The following POLE variants were observed in gnomAD, a reference collection of about 807,000 sequenced individuals.
POLE encodes the protein DNA polymerase epsilon, catalytic subunit.
A neutral mutation model predicts 279.2 loss-of-function variants in POLE; 188 were observed. The observed-to-expected ratio is 0.67, with a 90% CI of 0.60 to 0.76. POLE has a LOEUF of 0.76. Ranked by LOEUF, POLE falls within the 30% of genes least tolerant of loss-of-function variation. The pLI is 0.00. For missense variants in POLE, 2,703 were observed against 3,016.7 expected, an observed-to-expected ratio of 0.90 and a Z score of 2.44; for synonymous variants, 1,214 against 1,172.5, an observed-to-expected ratio of 1.04 and a Z score of -0.72.
At chr12:132,663,920 ACT>A in intron 23 of POLE, 82 bp downstream of exon 23, 1 of 1,455,558 alleles carries the variant, frequency 6.9e-7, no homozygotes, top group Non-Finnish European at 9.6e-7. Context: ...AGGCATGCAC[ACT>A]GTGAGGTGCT....
rs201114228 is a variant in POLE, at chr12:132,625,789, C to A, written c.6532-19G>T. On this transcript the variant is annotated intron_variant, in intron 46 of 48. Coordinates refer to ENST00000320574, the MANE Select transcript of POLE (RefSeq NM_006231.4). The stretch of plus-strand genomic sequence containing the variant: ...CCCCATCCTAGGCAGAGCAAGAGTG[C>A]GAGAGGTCACCAGCCCAGCCTCCAG... The A allele has an allele frequency of 1.9e-4, 301 of 1,604,940 alleles. No homozygotes were observed. Among genetic ancestry groups the A allele is most frequent in the Non-Finnish European group, 2.1e-4 (243 of 1,178,524 alleles).
At chr12:132,625,561 C>G in intron 47 of POLE, 84 bp downstream of exon 47, 1 of 1,559,866 alleles carries the variant, frequency 6.4e-7, no homozygotes, top group Non-Finnish European at 8.7e-7. Flanking sequence ...GCCTCAGGAC[C>G]TGCACACACC....
At chr12:132,672,515 AG>A in intron 15 of POLE, 111 bp downstream of exon 15, 1 of 1,226,990 alleles carries the variant, frequency 8.2e-7, no homozygotes. Flanking sequence ...ACACCCGGTG[AG>A]GGGCCGTGGG....
chr12:132,634,935 C>T lies in POLE; in HGVS notation c.5812-557G>A, dbSNP rs574669324. ...CCTTCAATCAGGGTTTATCCCCCAA[C>T]TCCAACCAGAATCGCTCCCATCCAG... On this transcript the variant is annotated intron_variant, in intron 42 of 48. Transcript: ENST00000320574. This position sits in a 1 kb window ranked among gnomAD's most constrained non-coding sequence, Gnocchi z 4.0. 1.4e-4 allele frequency among the ~76,000 whole-genome samples: 21 copies of T among 152,336 alleles called. No homozygotes were observed. Among genetic ancestry groups the T allele is most frequent in the African/African-American group, 5.1e-4 (21 of 41,568 alleles).
Position 132,675,770 on chromosome 12 carries a change from G to A in POLE, c.1071C>T (p.Thr357=), listed in dbSNP as rs2136011368. The change falls in exon 11 of 49, where the codon ACC becomes ACT. Residue 357 remains threonine (T), a synonymous_variant. Coordinates refer to ENST00000320574, the MANE Select transcript of POLE (RefSeq NM_006231.4). This position sits in a 1 kb window ranked among gnomAD's most constrained non-coding sequence, Gnocchi z 4.3. ...AGTCCCCGTTGTAGGTGACCATGATGGTGGGTTTGGTCTCCTGGACGTGTT... is the reference window on the plus strand; with the variant it reads ...AGTCCCCGTTGTAGGTGACCATGATAGTGGGTTTGGTCTCCTGGACGTGTT... ...WFEHVQETKP[T]IMVTYNGDFF... 6.2e-7 allele frequency: 1 copy of A among 1,614,114 alleles called. No individual in the cohort carries two copies. The highest frequency in any genetic ancestry group is 8.5e-7 in the Non-Finnish European group (1 of 1,179,980).
At chr12:132,674,779 G>A (rs1239158757) in intron 12 of POLE, among the ~76,000 whole-genome samples, 1 of 152,140 alleles carries the variant, frequency 6.6e-6, no homozygotes, top group East Asian at 1.9e-4. Flanking sequence ...CAGTGGCACT[G>A]TGCAGAATAC....
intron 29 of POLE, among the ~76,000 whole-genome samples, chr12:132,656,400 G>A (rs769772251): frequency 6.6e-6 from 1 of 150,486 alleles, no homozygotes; most frequent in African/African-American, 2.5e-5. Context: ...TCGCTCTGTC[G>A]CCCAGGGGAG....
rs1007844330 is a variant in POLE at position 132,680,479 on chromosome 12, A to C, written c.285+128T>G. The C allele has an allele frequency of 6.6e-6, 5 of 755,440 alleles. No homozygotes were observed. The Admixed American group carries it at 1.1e-4, about 17-fold the overall frequency. 46.8% of individuals were successfully genotyped at this position (755,440 alleles called of 1,614,324 possible). A position where few individuals can be genotyped will look rare whatever the true frequency, so the allele number is the denominator to read the frequency against. On this transcript the variant is annotated intron_variant, in intron 3 of 48. Transcript: ENST00000320574. ...TTACGTGATGACTGATGGGGCCTCC[A>C]GGGGCCCGAGTTCTGCTGGGCTATG...
Position 132,639,279 on chromosome 12 carries a change from C to T in POLE, c.5398G>A (p.Val1800Met), listed in dbSNP as rs199777048. The change falls in exon 40 of 49, where the codon GTG becomes ATG. Residue 1800 changes from valine to methionine, a missense_variant. Around this residue, in one of 5 missense-constraint regions of POLE, gnomAD observed 1,551 missense variants for 1,686.1 expected, o/e 0.92. Transcript: ENST00000320574. The surrounding 1 kb of genome is among the most constrained non-coding windows in gnomAD (Gnocchi z 4.7). The stretch of plus-strand genomic sequence containing the variant: ...TGGGTGATCTCCTTCACCCAGCCCA[C>T]GACCATGCTCTTCAGGATCCTGAAA... ...NTFRILKSMV[V>M]GWVKEITQYH... 1.7e-5 allele frequency: 27 copies of T among 1,613,916 alleles called. No homozygotes were observed. Among genetic ancestry groups the T allele is most frequent in the Middle Eastern group, 1.6e-4 (1 of 6,078 alleles).
At chr12:132,629,815 G>A (rs2041902088) in intron 45 of POLE, among the ~76,000 whole-genome samples, 1 of 152,244 alleles carries the variant, frequency 6.6e-6, no homozygotes, top group South Asian at 2.1e-4. Context: ...GCTAACTGGT[G>A]TGAGAGGCCT....
In POLE at chr12:132,675,622, C is replaced by G; in HGVS notation, c.1107-105G>C. 6.3e-7 allele frequency: 1 copy of G among 1,582,718 alleles called. No homozygotes were observed. Among genetic ancestry groups the G allele is most frequent in the Admixed American group, 1.7e-5 (1 of 59,244 alleles). On this transcript the variant is annotated intron_variant, in intron 11 of 48. Transcript: ENST00000320574. The surrounding 1 kb of genome is among the most constrained non-coding windows in gnomAD (Gnocchi z 4.3). ...GGGAGGAACCCAGACACGGGAGGTGCAGAGTGAACCCAGGAGCCACCTCCT... is the reference window on the plus strand; with the variant it reads ...GGGAGGAACCCAGACACGGGAGGTGGAGAGTGAACCCAGGAGCCACCTCCT...
rs773350540 is a variant in POLE, at chr12:132,634,284, T to C, written c.5906A>G (p.Glu1969Gly). ...RDGEEEEEAE[E>G]SNVEDLLENN... ...TTCCAGTAAATCCTCCACGTTGGAT[T>C]CCTCCGCCTCTTCCTCCTCCTCCCC... is the stretch of plus-strand genomic sequence containing the variant. The change falls in exon 43 of 49, where the codon GAA (glutamate) becomes GGA (glycine). Residue 1969 changes from glutamate to glycine, a missense_variant. Transcript: ENST00000320574. The surrounding 1 kb of genome is among the most constrained non-coding windows in gnomAD (Gnocchi z 4.0). The C allele has an allele frequency of 3.1e-6, 5 of 1,614,210 alleles. No individual in the cohort carries two copies.
rs1060500865 is a variant in POLE at position 132,676,098 on chromosome 12, T to A, written c.1016A>T (p.Asp339Val). Residue 339 changes from aspartate to valine, a missense_variant, in exon 10 of 49, where the codon GAT becomes GTT. By Grantham distance (152) the Asp-to-Val change is radical (BLOSUM62 -3). Coordinates refer to ENST00000320574, the MANE Select transcript of POLE (RefSeq NM_006231.4). ...TCCCAAGTGATACCTCCTTACCTCA[T>A]CGGGTTCATTGAAGACACAAAAGGG... ...EGPFCVFNEP[D>V]EAHLIQRWFE... The A allele has an allele frequency of 5.0e-6, 8 of 1,598,012 alleles. No individual in the cohort carries two copies. The highest frequency in any genetic ancestry group is 1.7e-5 in the Admixed American group (1 of 58,368).
chr12:132,630,258 A>G (rs1370965584), intron 45 of POLE, among the ~76,000 whole-genome samples: 1 of 152,252 alleles, frequency 6.6e-6, no homozygotes, highest in Non-Finnish European at 1.5e-5. Flanking sequence ...CAAGATTCCC[A>G]CAAACCTTCC....
intron 20 of POLE, among the ~76,000 whole-genome samples, chr12:132,665,739 C>T (rs1357757208): frequency 1.3e-5 from 2 of 152,154 alleles, no homozygotes; most frequent in Admixed American, 6.5e-5. Flanking sequence ...AAGAGCTACT[C>T]GGGGGTGCCT....
chr12:132,676,499 CA>C, intron 9 of POLE, 46 bp downstream of exon 9: 1 of 1,151,326 alleles, frequency 8.7e-7, no homozygotes, highest in Non-Finnish European at 1.3e-6. Context: ...GGGGACCAGA[CA>C]AGGTCCCCAT....
chr12:132,664,629 G>A lies in POLE; in HGVS notation c.2469-167C>T, dbSNP rs746012411. 2.5e-4 allele frequency among the ~76,000 whole-genome samples: 38 copies of A among 152,160 alleles called. No homozygotes were observed. Among genetic ancestry groups the A allele is most frequent in the Admixed American group, 2.2e-3 (34 of 15,276 alleles). On this transcript the variant is annotated intron_variant, in intron 21 of 48. Transcript: ENST00000320574. This position sits in a 1 kb window ranked among gnomAD's most constrained non-coding sequence, Gnocchi z 5.3. Reference sequence around the variant, plus strand: ...ACTAAGGTGGAATCTGGCTCTGCCCGAGGACACCTCTCTGTCCCCACCTTG... The same window carrying A: ...ACTAAGGTGGAATCTGGCTCTGCCCAAGGACACCTCTCTGTCCCCACCTTG...
chr12:132,676,557 T>C lies in POLE; in HGVS notation c.898A>G (p.Ile300Val). The change falls in exon 9 of 49, where the codon ATC becomes GTC. Residue 300 changes from isoleucine to valine, a missense_variant. Coordinates refer to ENST00000320574, the MANE Select transcript of POLE (RefSeq NM_006231.4). ...AGCCACCTGCTCACCTGGCCATCGA[T>C]CATGTAGGAAATCATCATAATCTGG... ...TDQIMMISYM[I>V]DGQGYLITNR... 6.2e-7 allele frequency: 1 copy of C among 1,612,232 alleles called. No homozygotes were observed. The highest frequency in any genetic ancestry group is 8.5e-7 in the Non-Finnish European group (1 of 1,178,308).
In POLE at chr12:132,649,800, T is replaced by C. The variant is rs544238674; in HGVS notation, c.3672A>G (p.Ala1224=). ...GCTTCCTCTTCACAGTGACAGGGGCTGCTGGGTGAGGCAGCTTTACGAGGC... is the reference window on the plus strand; with the variant it reads ...GCTTCCTCTTCACAGTGACAGGGGCCGCTGGGTGAGGCAGCTTTACGAGGC... ...DFGLVKLPHP[A]APVTVKRKRV... Residue 1224 remains alanine (A), a synonymous_variant, in exon 30 of 49, where the codon GCA becomes GCG. Transcript: ENST00000320574. 1 of 1,614,226 alleles carries C rather than the reference T, an allele frequency of 6.2e-7. No homozygotes were observed. The highest frequency in any genetic ancestry group is 8.5e-7 in the Non-Finnish European group (1 of 1,180,048).
Sources: allele counts gnomAD v4.1 joint callset (sites outside exome capture counted in the v4.1 genomes callset), GRCh38; gene constraint gnomAD v4.1.1; regional missense constraint gnomAD v4.1.1; non-coding constraint Gnocchi (gnomAD v3.1); transcripts MANE v1.5; gene names NCBI Gene and HGNC (gene_info 2026-07-23, HGNC 2026-07-21).